The following CLEC16A variants were observed in gnomAD, a reference collection of about 807,000 sequenced individuals.
CLEC16A encodes the protein C-type lectin domain containing 16A.
Under a neutral mutation model 109.5 loss-of-function variants are expected in CLEC16A, and 51 were observed. The ratio of observed to expected loss-of-function variants is 0.47; its 90% CI spans 0.37 to 0.59. The LOEUF is 0.59. CLEC16A is among the 20% of genes least tolerant of loss of function. The probability of loss-of-function intolerance (pLI) is 0.00; values close to 1 mark genes in which losing one functional copy is unlikely to be tolerated. For synonymous variants in CLEC16A, 673 were observed against 564.2 expected (o/e 1.19, Z -2.73); for missense variants, 1,339 against 1,394.0 (o/e 0.96, Z 0.63).
At chr16:10,953,976 C>CA (rs55810681) in intron 1 of CLEC16A, among the ~76,000 whole-genome samples, 62,554 of 145,420 alleles carry the variant, frequency 0.43, 13,953 homozygotes, top group African/African-American at 0.54. Flanking sequence ...GACTCCGTCT[C>CA]AAAAAAAAAA....
Position 11,105,477 on chromosome 16 carries a change from C to G in CLEC16A, c.2117-15138C>G, listed in dbSNP as rs114203566. Among the ~76,000 whole-genome samples the G allele has an allele frequency of 3.9e-3, 587 of 152,326 alleles. 8 individuals carry two copies. The highest frequency in any genetic ancestry group is 0.013 in the African/African-American group (559 of 41,562). On this transcript the variant is annotated intron_variant, in intron 19 of 23. Transcript: ENST00000409790. ...GTAAAATTCTCATCCTCCATTCTCC[C>G]AAGAAGAGTCTTAAAATTTGACACG...
At chr16:11,020,095 A>G in intron 11 of CLEC16A, 98 bp from the exon 12 acceptor site, 1 of 1,383,090 alleles carries the variant, frequency 7.2e-7, no homozygotes, top group Non-Finnish European at 9.7e-7. Context: ...ATGTGTTTGG[A>G]GTCATTTATG....
chr16:11,021,775 C>A lies in CLEC16A; in HGVS notation c.1436+1450C>A, dbSNP rs2046114909. Among the ~76,000 whole-genome samples, 4 of 152,280 alleles carry A rather than the reference C, an allele frequency of 2.6e-5. No individual in the cohort carries two copies. The South Asian group carries it at 8.3e-4, about 32-fold the overall frequency. The stretch of plus-strand genomic sequence containing the variant: ...TTGCACCACTGCACTCCAGCCTGGG[C>A]AACAGAATGAGACTCTCGCTCAGAA... On this transcript the variant is annotated intron_variant, in intron 12 of 23. Coordinates refer to ENST00000409790, the MANE Select transcript of CLEC16A (RefSeq NM_015226.3).
At chr16:11,006,964 A>G (rs991265500) in intron 11 of CLEC16A, among the ~76,000 whole-genome samples, 1 of 152,198 alleles carries the variant, frequency 6.6e-6, no homozygotes, top group Non-Finnish European at 1.5e-5. Flanking sequence ...TCGTCCCTGT[A>G]GGCAAAGAAG....
chr16:11,019,788 A>C (rs1024768347), intron 11 of CLEC16A, among the ~76,000 whole-genome samples: 1 of 151,998 alleles, frequency 6.6e-6, no homozygotes, highest in East Asian at 1.9e-4. Flanking sequence ...AAAAAAAAAA[A>C]ATGTAAGGAG....
intron 11 of CLEC16A, among the ~76,000 whole-genome samples, chr16:11,006,411 C>T (rs2045014213): frequency 6.6e-6 from 1 of 152,198 alleles, no homozygotes; most frequent in Non-Finnish European, 1.5e-5. Context: ...TCTCTCAAGG[C>T]CATCTTCTGC....
intron 13 of CLEC16A, chr16:11,026,909 C>T (rs2046437015): frequency 1.2e-6 from 1 of 862,664 alleles, no homozygotes; most frequent in African/African-American, 1.7e-5. Flanking sequence ...TGAACGCTGA[C>T]TGGGTCCTCC....
At chr16:11,159,831 C>A (rs1007338175) in intron 22 of CLEC16A, among the ~76,000 whole-genome samples, 1 of 152,056 alleles carries the variant, frequency 6.6e-6, no homozygotes, top group East Asian at 1.9e-4. Flanking sequence ...TTGTCGGGTT[C>A]TTATTTACTT....
At chr16:11,140,431 C>CT (rs1483235380) in intron 22 of CLEC16A, among the ~76,000 whole-genome samples, 2 of 152,168 alleles carry the variant, frequency 1.3e-5, no homozygotes, top group Admixed American at 6.5e-5. Context: ...GAAAAACGTT[C>CT]TTTTTTTGGC....
At chr16:10,966,407 G>A (rs2042510146) in intron 3 of CLEC16A, among the ~76,000 whole-genome samples, 1 of 152,184 alleles carries the variant, frequency 6.6e-6, no homozygotes, top group Non-Finnish European at 1.5e-5. Flanking sequence ...GGGGTAGCGG[G>A]TACTGACTGG....
chr16:11,122,795 C>G (rs568070116), intron 20 of CLEC16A, among the ~76,000 whole-genome samples: 1 of 151,748 alleles, frequency 6.6e-6, no homozygotes, highest in Non-Finnish European at 1.5e-5. Context: ...AGGTTTTAGA[C>G]TGGTTTGTCT....
At chr16:10,985,216 A>ATATATATATAT (rs1320649141) in intron 10 of CLEC16A, among the ~76,000 whole-genome samples, 1 of 117,050 alleles carries the variant, frequency 8.5e-6, no homozygotes, top group Non-Finnish European at 1.7e-5. Context: ...AAAAAAAAAA[A>ATATATATATAT]AAAAATATAT....
In CLEC16A at chr16:11,096,085, G is replaced by A. The variant is rs2050596562; in HGVS notation, c.2117-24530G>A. Among the ~76,000 whole-genome samples the A allele has an allele frequency of 2.0e-5, 3 of 152,018 alleles. No homozygotes were observed. In the South Asian group the frequency reaches 6.2e-4, roughly 32 times the overall value. ...ACCATGGCTCACGCATGTAATCCCA[G>A]TTACTTTGGGAGGCTGAGGCGAGGG... On this transcript the variant is annotated intron_variant, in intron 19 of 23. Coordinates refer to ENST00000409790, the MANE Select transcript of CLEC16A (RefSeq NM_015226.3).
At chr16:10,962,661 G>A in intron 3 of CLEC16A, 73 bp downstream of exon 3, 1 of 1,529,088 alleles carries the variant, frequency 6.5e-7, no homozygotes, top group Non-Finnish European at 9.0e-7. Flanking sequence ...GTGGTTTTCT[G>A]TGTCTGCGCT....
chr16:11,137,138 GA>G (rs755896877), intron 22 of CLEC16A, among the ~76,000 whole-genome samples: 5 of 152,220 alleles, frequency 3.3e-5, no homozygotes, highest in Non-Finnish European at 5.9e-5. Flanking sequence ...GTATCTAAAG[GA>G]AAAGTCCATA....
rs575518190 is a variant in CLEC16A at position 11,092,306 on chromosome 16, T to A, written c.2117-28309T>A. Among the ~76,000 whole-genome samples, 107 of 151,436 alleles carry A rather than the reference T, an allele frequency of 7.1e-4. No individual in the cohort carries two copies. The Middle Eastern group carries it at 0.01, about 15-fold the overall frequency. ...CTGAAGTGAGCCAAGATCACACCAC[T>A]GCACTCCAGTCTGGGCGATAGAGTA... On this transcript the variant is annotated intron_variant, in intron 19 of 23. Coordinates refer to ENST00000409790, the MANE Select transcript of CLEC16A (RefSeq NM_015226.3).
chr16:11,163,105 C>T (rs143742620), intron 22 of CLEC16A, among the ~76,000 whole-genome samples: 123 of 152,354 alleles, frequency 8.1e-4, no homozygotes, highest in African/African-American at 2.9e-3. Flanking sequence ...CACCAAAAGC[C>T]TCTGGCACCT....
intron 16 of CLEC16A, among the ~76,000 whole-genome samples, chr16:11,045,108 G>A (rs1040923273): frequency 6.6e-6 from 1 of 152,090 alleles, no homozygotes; most frequent in Non-Finnish European, 1.5e-5. Flanking sequence ...ACTTTGGGAG[G>A]CTGCGGCGGT....
In CLEC16A at chr16:11,168,505, G is replaced by T. The variant is rs1423098935; in HGVS notation, c.2806+1953G>T. Among the ~76,000 whole-genome samples the T allele has an allele frequency of 2.6e-5, 4 of 152,248 alleles. No homozygotes were observed. In the East Asian group the frequency reaches 7.7e-4, roughly 29 times the overall value. ...TAAAAGCCTGAGGCCCAGCCTGCCTGTCTGGCTCTGCAGACACTGAGACAA... is the reference window on the plus strand; with the variant it reads ...TAAAAGCCTGAGGCCCAGCCTGCCTTTCTGGCTCTGCAGACACTGAGACAA... On this transcript the variant is annotated intron_variant, in intron 23 of 23. Transcript: ENST00000409790.
Sources: allele counts gnomAD v4.1 joint callset (sites outside exome capture counted in the v4.1 genomes callset), GRCh38; gene constraint gnomAD v4.1.1; transcripts MANE v1.5; gene names NCBI Gene and HGNC (gene_info 2026-07-23, HGNC 2026-07-21).